RTN4: variants seen among roughly 807,000 people sequenced by gnomAD.
The protein encoded by RTN4 is reticulon-4.
Under a neutral mutation model 90.4 loss-of-function variants are expected in RTN4, and 32 were observed. The observed-to-expected ratio is 0.35, with a 90% confidence interval of 0.27 to 0.48. RTN4 has a LOEUF of 0.48. Ranked by LOEUF, RTN4 falls within the 20% of genes least tolerant of loss-of-function variation. The pLI is 0.99. For missense variants in RTN4, 1,706 were observed against 1,430.2 expected (o/e 1.19, Z -3.11); for synonymous variants, 629 against 552.5 (o/e 1.14, Z -1.94).
At chr2:55,126,982 G>T in the RTN4 span, among the ~76,000 whole-genome samples, 2 of 152,114 alleles carry the variant, frequency 1.3e-5, no homozygotes, top group East Asian at 3.8e-4. Context: ...TGAACATGAA[G>T]GAAACAACAG....
chr2:54,995,419 C>T (rs1679341935), intron 3 of RTN4, among the ~76,000 whole-genome samples: 2 of 152,144 alleles, frequency 1.3e-5, no homozygotes, highest in African/African-American at 4.8e-5. Flanking sequence ...AAAGCAAATA[C>T]TGTGGTAGGA....
At chr2:55,039,233 T>C (rs928761605) in intron 1 of RTN4, among the ~76,000 whole-genome samples, 1 of 152,170 alleles carries the variant, frequency 6.6e-6, no homozygotes, top group African/African-American at 2.4e-5. Flanking sequence ...TGTAAAACTG[T>C]TGAAACTTAA....
At chr2:54,991,171 T>C (rs1678986033) in intron 3 of RTN4, among the ~76,000 whole-genome samples, 1 of 152,306 alleles carries the variant, frequency 6.6e-6, no homozygotes, top group South Asian at 2.1e-4. Context: ...TCAAAATCAC[T>C]ATTGGTGAGA....
At chr2:55,121,170 A>T in the RTN4 span, among the ~76,000 whole-genome samples, 2 of 152,234 alleles carry the variant, frequency 1.3e-5, no homozygotes, top group Non-Finnish European at 2.9e-5. Flanking sequence ...TCTGACAGAC[A>T]CCATACATGG....
chr2:55,026,827 A>C lies in RTN4; in HGVS notation c.1272T>G (p.Cys424Trp). The C allele has an allele frequency of 2.5e-6, 4 of 1,613,944 alleles. No homozygotes were observed. The highest frequency in any genetic ancestry group is 3.4e-6 in the Non-Finnish European group (4 of 1,179,916). Reference protein sequence around the residue: ...SNLESKVDKKCFADSLEQTNH... With the variant: ...SNLESKVDKKWFADSLEQTNH... ...TAGTTTGCTCAAGGCTATCTGCAAA[A>C]CATTTTTTATCCACTTTACTTTCCA... The change falls in exon 3 of 9, where the codon TGT becomes TGG. Residue 424 changes from cysteine (C) to tryptophan (W), a missense_variant. Cys to Trp is a radical substitution (Grantham distance 215). Transcript: ENST00000337526.
At chr2:55,111,610 C>T (rs1668039185) in intron 1 of RTN4, among the ~76,000 whole-genome samples, 1 of 152,154 alleles carries the variant, frequency 6.6e-6, no homozygotes, top group African/African-American at 2.4e-5. Flanking sequence ...TGCTGGGAGT[C>T]ACAGACCTCT....
intron 4 of RTN4, among the ~76,000 whole-genome samples, chr2:54,983,698 C>A (rs1678327746): frequency 6.6e-6 from 1 of 152,204 alleles, no homozygotes; most frequent in Non-Finnish European, 1.5e-5. Context: ...AATCTCTGAT[C>A]TGCCTGCATC....
chr2:54,973,870 G>T lies in RTN4; in HGVS notation c.3431-3C>A. ...AACACTGAAGAGTGAAATGAGAGCT[G>T]AAAAGGGAAATATACAACTTTTCAA... On this transcript the variant is annotated splice_polypyrimidine_tract_variant and splice_region_variant and intron_variant, in intron 6 of 8. Transcript: ENST00000337526. 2 of 1,611,082 alleles carry T rather than the reference G, an allele frequency of 1.2e-6. No individual in the cohort carries two copies. Among genetic ancestry groups the T allele is most frequent in the South Asian group, 2.2e-5 (2 of 90,354 alleles).
At chr2:54,999,871 C>A (rs1163841512) in intron 3 of RTN4, among the ~76,000 whole-genome samples, 1 of 152,170 alleles carries the variant, frequency 6.6e-6, no homozygotes, top group Non-Finnish European at 1.5e-5. Context: ...CAAAAAGGAT[C>A]TGTGCAGAGT....
At position 55,026,551 on chromosome 2, in the gene RTN4, G is replaced by C; in HGVS notation, c.1548C>G (p.Asn516Lys). 1 of 1,613,448 alleles carries C rather than the reference G, an allele frequency of 6.2e-7. No individual in the cohort carries two copies. The highest frequency in any genetic ancestry group is 8.5e-7 in the Non-Finnish European group (1 of 1,179,874). The change falls in exon 3 of 9, where the codon AAC (asparagine) becomes AAG (lysine). Residue 516 changes from asparagine (N) to lysine (K), a missense_variant. By Grantham distance (94) the Asn-to-Lys change is moderately conservative (BLOSUM62 0). Coordinates refer to ENST00000337526, the MANE Select transcript of RTN4 (RefSeq NM_020532.5). ...AATCCTGTGCTGCTACAAGAAAAGG[G>C]TTTGATGTTTTGGTGCTAGTATTCT... ...TEKNTSTKTS[N>K]PFLVAAQDSE...
At chr2:55,044,235 T>A (rs887275862) in intron 1 of RTN4, among the ~76,000 whole-genome samples, 4 of 152,034 alleles carry the variant, frequency 2.6e-5, no homozygotes, top group African/African-American at 9.7e-5. Context: ...TTTTAAAAAA[T>A]TTTAAAAATA....
chr2:55,118,590 C>A, the RTN4 span, among the ~76,000 whole-genome samples: 1 of 150,290 alleles, frequency 6.7e-6, no homozygotes, highest in Non-Finnish European at 1.5e-5. Flanking sequence ...CTCCCTGCCC[C>A]CCAAAACACA....
At chr2:55,007,528 A>C (rs1184636502) in intron 3 of RTN4, among the ~76,000 whole-genome samples, 1 of 152,150 alleles carries the variant, frequency 6.6e-6, no homozygotes, top group African/African-American at 2.4e-5. Flanking sequence ...CACGCAAATG[A>C]GGAAATTAAA....
chr2:55,102,796 A>G (rs1667873870), intron 1 of RTN4, among the ~76,000 whole-genome samples: 1 of 152,154 alleles, frequency 6.6e-6, no homozygotes. Flanking sequence ...TTTTCTAAAG[A>G]CAATTCAAAT....
intron 1 of RTN4, among the ~76,000 whole-genome samples, chr2:55,103,118 A>AG: frequency 6.6e-6 from 1 of 152,010 alleles, no homozygotes; most frequent in Admixed American, 6.6e-5. Flanking sequence ...GGAAAAAAAA[A>AG]AAAAAAAGGA....
intron 3 of RTN4, among the ~76,000 whole-genome samples, chr2:55,007,950 T>C (rs1392767715): frequency 6.6e-6 from 1 of 152,088 alleles, no homozygotes; most frequent in Non-Finnish European, 1.5e-5. Context: ...CTTCCTATTT[T>C]AAGCTCCTAA....
At position 55,026,898 on chromosome 2, in the gene RTN4, C is replaced by T. The variant is rs199523418; in HGVS notation, c.1201G>A (p.Glu401Lys). The T allele has an allele frequency of 1.2e-4, 200 of 1,613,676 alleles. 1 individual carries two copies. The highest frequency in any genetic ancestry group is 4.8e-4 in the Admixed American group (29 of 59,976). The change falls in exon 3 of 9, where the codon GAA (glutamate) becomes AAA (lysine). Residue 401 changes from glutamate (E) to lysine (K), a missense_variant. Physicochemically the swap from Glu to Lys is moderately conservative, Grantham distance 56. Transcript: ENST00000337526. ...ERVWEVKDSK[E>K]DSDMLAAGGK... ...CCAGCAGCCAACATATCACTATCTTCCTTACTATCTTTCACTTCCCATACT... is the reference window on the plus strand; with the variant it reads ...CCAGCAGCCAACATATCACTATCTTTCTTACTATCTTTCACTTCCCATACT...
rs1028215356 is a variant in RTN4, at chr2:55,033,455, G to C, written c.557-5235C>G. Among the ~76,000 whole-genome samples the C allele has an allele frequency of 1.2e-4, 18 of 152,274 alleles. 1 individual carries two copies. Among genetic ancestry groups the C allele is most frequent in the African/African-American group, 4.1e-4 (17 of 41,554 alleles). On this transcript the variant is annotated intron_variant, in intron 1 of 8. Transcript: ENST00000337526. The stretch of plus-strand genomic sequence containing the variant: ...ACTTTCAGGACATGCAATGAGCAGA[G>C]CAGGCAAACCAGAGCGGGTCATCCA...
chr2:55,122,300 C>G, the RTN4 span, among the ~76,000 whole-genome samples: 13,289 of 152,162 alleles, frequency 0.087, 637 homozygotes, highest in East Asian at 0.19. Context: ...TTTTTCAGAA[C>G]ATGTTCCTGA....
Sources: gnomAD v4.1 joint callset for allele counts (sites outside exome capture counted in the v4.1 genomes callset) on GRCh38, gnomAD v4.1.1 for gene constraint, MANE v1.5 for transcripts, NCBI Gene and HGNC (gene_info 2026-07-23, HGNC 2026-07-21) for gene names.